The following TENM3 variants were observed in gnomAD, a reference collection of about 807,000 sequenced individuals.
TENM3 encodes the protein teneurin transmembrane protein 3.
TENM3 carries 63 observed loss-of-function variants against 255.1 expected under a neutral mutation model. The observed-to-expected ratio is 0.25, with a 90% CI of 0.20 to 0.30. The LOEUF (loss-of-function observed/expected upper bound fraction) is 0.30. Ranked by LOEUF, TENM3 falls within the 10% of genes least tolerant of loss-of-function variation. The pLI is 1.00. For missense variants in TENM3, 2,929 were observed against 3,461.1 expected (o/e 0.85, Z 3.86); for synonymous variants, 1,306 against 1,322.3 (o/e 0.99, Z 0.27).
At chr4:182,357,493 T>G (rs75129486) in intron 3 of TENM3, among the ~76,000 whole-genome samples, 121,655 of 151,234 alleles carry the variant, frequency 0.8, 49,086 homozygotes, top group East Asian at 0.99. Flanking sequence ...TTTCATGTGT[T>G]TTTTGGCTGC....
the TENM3 span, among the ~76,000 whole-genome samples, chr4:181,918,777 C>T: frequency 6.6e-6 from 1 of 152,024 alleles, no homozygotes; most frequent in African/African-American, 2.4e-5. Flanking sequence ...ATTTATATTC[C>T]CCTCTGTCCC....
intron 3 of TENM3, among the ~76,000 whole-genome samples, chr4:182,508,885 G>T (rs1349097195): frequency 1.3e-5 from 2 of 152,158 alleles, no homozygotes; most frequent in Non-Finnish European, 2.9e-5. Context: ...CTCCAACAGA[G>T]AAATAAATTA....
rs765914664 is a variant in TENM3, at chr4:182,714,180, G to A, written c.2315G>A (p.Gly772Asp). ...TGCCAGCCTGGATGGAGAGGAGCAG[G>A]CTGTGACGTAGCCATGGAGACTCTT... ...CVCQPGWRGA[G>D]CDVAMETLCT... The change falls in exon 13 of 28, where the codon GGC (glycine) becomes GAC (aspartate). Residue 772 changes from glycine (G) to aspartate (D), a missense_variant. This residue lies in a region of TENM3 where 1,608 missense variants were observed against 1,884.4 expected (regional missense o/e 0.85). Transcript: ENST00000511685. 6.2e-7 allele frequency: 1 copy of A among 1,613,954 alleles called. No individual in the cohort carries two copies. Among genetic ancestry groups the A allele is most frequent in the East Asian group, 2.2e-5 (1 of 44,878 alleles).
intron 1 of TENM3, among the ~76,000 whole-genome samples, chr4:182,299,154 A>G (rs1329160641): frequency 1.3e-5 from 2 of 152,024 alleles, no homozygotes; most frequent in East Asian, 3.9e-4. Flanking sequence ...AGATTATCTA[A>G]TAATCTGTAA....
At chr4:181,872,973 C>T in the TENM3 span, among the ~76,000 whole-genome samples, 1 of 151,224 alleles carries the variant, frequency 6.6e-6, no homozygotes, top group Non-Finnish European at 1.5e-5. Flanking sequence ...TTACTATTTC[C>T]TTTCATTTTC....
At chr4:182,645,465 G>C (rs1752660383) in intron 5 of TENM3, among the ~76,000 whole-genome samples, 2 of 152,132 alleles carry the variant, frequency 1.3e-5, no homozygotes, top group Admixed American at 6.5e-5. Context: ...GTATAAGTCA[G>C]GAGTAGGCAG....
At chr4:181,463,150 C>T in the TENM3 span, among the ~76,000 whole-genome samples, 10 of 152,172 alleles carry the variant, frequency 6.6e-5, no homozygotes, top group Non-Finnish European at 1.3e-4. Context: ...CAACATAGCC[C>T]TCCCACCCAT....
the TENM3 span, among the ~76,000 whole-genome samples, chr4:181,664,335 TGGTG>T: frequency 6.6e-6 from 1 of 152,068 alleles, no homozygotes; most frequent in African/African-American, 2.4e-5. Flanking sequence ...CTGGGTGTCG[TGGTG>T]GTCACCTGTA....
intron 3 of TENM3, among the ~76,000 whole-genome samples, chr4:182,378,632 C>T (rs574694614): frequency 4.6e-5 from 7 of 152,186 alleles, no homozygotes; most frequent in South Asian, 4.2e-4. Flanking sequence ...AAACAGGCCT[C>T]GGAAGGGTCA....
intron 12 of TENM3, among the ~76,000 whole-genome samples, chr4:182,697,554 A>C (rs34195417): frequency 0.11 from 16,232 of 152,094 alleles, 1,170 homozygotes; most frequent in South Asian, 0.14. Flanking sequence ...GACAGAGGGG[A>C]TAGAGATCCC....
At chr4:182,208,966 T>C (rs894830703) in intron 1 of TENM3, among the ~76,000 whole-genome samples, 2 of 151,062 alleles carry the variant, frequency 1.3e-5, no homozygotes, top group African/African-American at 4.9e-5. Context: ...GTCCCTCTTT[T>C]TTTTTGTTTT....
the TENM3 span, among the ~76,000 whole-genome samples, chr4:181,745,243 T>A: frequency 6.6e-6 from 1 of 152,036 alleles, no homozygotes; most frequent in African/African-American, 2.4e-5. Flanking sequence ...ATGGGAAGAT[T>A]GGCTTAAATT....
the TENM3 span, among the ~76,000 whole-genome samples, chr4:181,950,517 G>A: frequency 6.6e-6 from 1 of 152,104 alleles, no homozygotes; most frequent in African/African-American, 2.4e-5. Context: ...CATTTATTAT[G>A]CAATTATCTG....
chr4:182,779,057 CT>C (rs922109180), intron 24 of TENM3, among the ~76,000 whole-genome samples: 1,763 of 89,942 alleles, frequency 0.02, 32 homozygotes, highest in Admixed American at 0.063. Context: ...TTTTCCTTTT[CT>C]TTTTTTTTTT....
chr4:181,660,285 T>G, the TENM3 span, among the ~76,000 whole-genome samples: 4 of 152,164 alleles, frequency 2.6e-5, no homozygotes, highest in African/African-American at 9.6e-5. Context: ...TCTCTGTTGT[T>G]CTGTTTATTG....
chr4:182,728,921 A>T, intron 13 of TENM3, 44 bp from the exon 14 acceptor site: 3 of 1,529,464 alleles, frequency 2.0e-6, no homozygotes, highest in Non-Finnish European at 1.8e-6. Flanking sequence ...ACATTATGGC[A>T]TCAAAAGGAA....
chr4:181,554,733 G>A, the TENM3 span, among the ~76,000 whole-genome samples: 4 of 152,164 alleles, frequency 2.6e-5, no homozygotes, highest in African/African-American at 9.6e-5. Context: ...TTTCTAAAGT[G>A]GAAAACGTTT....
At chr4:182,478,915 G>A (rs1733930725) in intron 3 of TENM3, among the ~76,000 whole-genome samples, 1 of 151,934 alleles carries the variant, frequency 6.6e-6, no homozygotes, top group Non-Finnish European at 1.5e-5. Flanking sequence ...ATTATTTTAG[G>A]AATGGAAGAC....
rs139751427 is a variant in TENM3 at position 182,597,154 on chromosome 4, G to A, written c.512-3770G>A. ...ACAGATCCTCACACCTGCAGTCTCA[G>A]TACTTTGGGAGGCCTCCGCGGGAGG... On this transcript the variant is annotated intron_variant, in intron 3 of 27. Transcript: ENST00000511685. Among the ~76,000 whole-genome samples, 363 of 152,318 alleles carry A rather than the reference G, an allele frequency of 2.4e-3. 1 individual carries two copies. Among genetic ancestry groups the A allele is most frequent in the Non-Finnish European group, 3.9e-3 (262 of 68,032 alleles).
Sources: gnomAD v4.1 joint callset for allele counts (sites outside exome capture counted in the v4.1 genomes callset) on GRCh38, gnomAD v4.1.1 for gene constraint, gnomAD v4.1.1 regional missense constraint, MANE v1.5 for transcripts, NCBI Gene and HGNC (gene_info 2026-07-23, HGNC 2026-07-21) for gene names.